The following CDH12 variants were observed in gnomAD, a reference collection of about 807,000 sequenced individuals.
CDH12 encodes the protein cadherin-12.
CDH12 carries 41 observed loss-of-function variants against 74.1 expected under a neutral mutation model. The ratio of observed to expected loss-of-function variants is 0.55; its 90% confidence interval spans 0.43 to 0.72. CDH12 has a LOEUF of 0.72. Among genes scored for constraint, CDH12 ranks in the 30% least tolerant of loss-of-function variants. CDH12 has a pLI of 0.00. For missense variants in CDH12, 945 were observed against 977.2 expected (o/e 0.97, Z 0.44); for synonymous variants, 399 against 355.0 (o/e 1.12, Z -1.39).
In CDH12 at chr5:22,611,511, T is replaced by A. The variant is rs1398831353; in HGVS notation, c.-522-106147A>T. 9.9e-5 allele frequency among the ~76,000 whole-genome samples: 15 copies of A among 152,154 alleles called. No individual in the cohort carries two copies. The East Asian group carries it at 2.9e-3, about 29-fold the overall frequency. On this transcript the variant is annotated intron_variant, in intron 1 of 14. Transcript: ENST00000382254. The stretch of plus-strand genomic sequence containing the variant: ...TTGAGAAGTTTAACAAAGGGAAAGG[T>A]TTAGGGAAACCAGCAGGAACAATGC...
rs571485750 is a variant in CDH12, at chr5:22,416,372, G to T, written c.-427-11021C>A. 5.0e-4 allele frequency among the ~76,000 whole-genome samples: 76 copies of T among 152,252 alleles called. 1 individual carries two copies. The highest frequency in any genetic ancestry group is 3.4e-3 in the Middle Eastern group (1 of 294). ...TTACAAGCGTGAGCCACCGCGCCCG[G>T]CCTGTAGGTCTTGATAAGGTGATTT... On this transcript the variant is annotated intron_variant, in intron 2 of 14. Coordinates refer to ENST00000382254, the MANE Select transcript of CDH12 (RefSeq NM_004061.5).
intron 4 of CDH12, among the ~76,000 whole-genome samples, chr5:22,171,595 C>T (rs895248069): frequency 9.2e-5 from 14 of 151,982 alleles, no homozygotes; most frequent in Middle Eastern, 6.8e-3. Context: ...TTCATCCTTA[C>T]GATAATACTG....
intron 6 of CDH12, among the ~76,000 whole-genome samples, chr5:21,885,646 A>G (rs1752590565): frequency 6.6e-6 from 1 of 152,202 alleles, no homozygotes; most frequent in Non-Finnish European, 1.5e-5. Context: ...AAATATCTTC[A>G]TAGGACTTTA....
chr5:22,540,554 T>G (rs983819149), intron 1 of CDH12, among the ~76,000 whole-genome samples: 2 of 152,186 alleles, frequency 1.3e-5, no homozygotes, highest in Non-Finnish European at 2.9e-5. Context: ...AAGAAATCCA[T>G]TTGTAAAATT....
intron 6 of CDH12, among the ~76,000 whole-genome samples, chr5:21,874,145 T>C (rs1240828603): frequency 6.6e-6 from 1 of 152,138 alleles, no homozygotes; most frequent in African/African-American, 2.4e-5. Context: ...TGGGTCAGAA[T>C]CTACAAGAAA....
chr5:22,288,697 G>T (rs1737260534), intron 3 of CDH12, among the ~76,000 whole-genome samples: 1 of 152,092 alleles, frequency 6.6e-6, no homozygotes, highest in South Asian at 2.1e-4. Flanking sequence ...ATGTACAGTG[G>T]TGGACCAAAT....
At chr5:22,132,590 T>C (rs1746232962) in intron 4 of CDH12, among the ~76,000 whole-genome samples, 1 of 150,578 alleles carries the variant, frequency 6.6e-6, no homozygotes, top group Non-Finnish European at 1.5e-5. Context: ...AAACGGGGAG[T>C]AGTTGTTTAG....
chr5:22,577,950 T>A (rs1739875328), intron 1 of CDH12, among the ~76,000 whole-genome samples: 1 of 152,204 alleles, frequency 6.6e-6, no homozygotes, highest in African/African-American at 2.4e-5. Context: ...TTAACCTCTG[T>A]AAATACTTTC....
At chr5:22,611,221 C>T (rs1233614917) in intron 1 of CDH12, among the ~76,000 whole-genome samples, 3 of 152,100 alleles carry the variant, frequency 2.0e-5, no homozygotes, top group South Asian at 2.1e-4. Flanking sequence ...TATCCCAAAA[C>T]TGAACCAATT....
rs1421941137 is a variant in CDH12, at chr5:21,921,991, CCTGCTTGACTGGT to C, written c.526+53087_526+53099del. On this transcript the variant is annotated intron_variant, in intron 6 of 14. Coordinates refer to ENST00000382254, the MANE Select transcript of CDH12 (RefSeq NM_004061.5). ...CACACATCTTTTCATACAATGAATA[CCTGCTTGACTGGT>C]TATAGTAACTTCTTTTACCATGGGG... 3.9e-5 allele frequency among the ~76,000 whole-genome samples: 6 copies of C among 152,222 alleles called. No homozygotes were observed. The East Asian group carries it at 1.2e-3, about 29-fold the overall frequency.
chr5:21,945,582 CAT>C (rs1313153700), intron 6 of CDH12, among the ~76,000 whole-genome samples: 14 of 150,830 alleles, frequency 9.3e-5, no homozygotes, highest in African/African-American at 3.2e-4. Flanking sequence ...TCAATAATGA[CAT>C]AAGTTATAAA....
At chr5:22,564,698 AC>A (rs1430454733) in intron 1 of CDH12, among the ~76,000 whole-genome samples, 1 of 151,824 alleles carries the variant, frequency 6.6e-6, no homozygotes, top group African/African-American at 2.4e-5. Flanking sequence ...TCATCTTTGG[AC>A]TTCTTTATAT....
intron 1 of CDH12, among the ~76,000 whole-genome samples, chr5:22,572,263 T>C (rs1231053082): frequency 6.6e-6 from 1 of 152,104 alleles, no homozygotes; most frequent in Non-Finnish European, 1.5e-5. Context: ...AAGCCTTAAA[T>C]TTTCCTTAAA....
chr5:22,651,674 A>G (rs967965793), intron 1 of CDH12, among the ~76,000 whole-genome samples: 2 of 151,306 alleles, frequency 1.3e-5, no homozygotes, highest in African/African-American at 4.8e-5. Context: ...TAACCATATC[A>G]GCTAAGGAGT....
intron 4 of CDH12, among the ~76,000 whole-genome samples, chr5:22,112,826 T>A (rs1744889814): frequency 6.6e-6 from 1 of 152,178 alleles, no homozygotes; most frequent in African/African-American, 2.4e-5. Context: ...TTTATGCTAG[T>A]CTTTTTCTAT....
chr5:22,160,125 C>T (rs558290995), intron 4 of CDH12, among the ~76,000 whole-genome samples: 2 of 152,268 alleles, frequency 1.3e-5, no homozygotes, highest in East Asian at 1.9e-4. Context: ...CAAAACTCCT[C>T]AAAGACTCTT....
chr5:22,475,395 G>T lies in CDH12; in HGVS notation c.-428+29875C>A, dbSNP rs1380812139. ...GGAAATGATTTAATATACCCTTTCT[G>T]GGTCTGTAATTTATATTTTAGGTGA... On this transcript the variant is annotated intron_variant, in intron 2 of 14. Coordinates refer to ENST00000382254, the MANE Select transcript of CDH12 (RefSeq NM_004061.5). Among the ~76,000 whole-genome samples, 4 of 151,838 alleles carry T rather than the reference G, an allele frequency of 2.6e-5. No individual in the cohort carries two copies. The East Asian group carries it at 5.8e-4, about 22-fold the overall frequency.
chr5:22,423,819 C>G (rs1293550819), intron 2 of CDH12, among the ~76,000 whole-genome samples: 1 of 151,360 alleles, frequency 6.6e-6, no homozygotes, highest in East Asian at 2.0e-4. Context: ...CTGGCTAACA[C>G]GGTGAAACCC....
chr5:22,213,455 T>G (rs1267121337), intron 3 of CDH12: 1 of 152,186 alleles, frequency 6.6e-6, no homozygotes. Context: ...TCTTTGATTA[T>G]CTGTTGAAAT....
Sources: gnomAD v4.1 joint callset for allele counts (sites outside exome capture counted in the v4.1 genomes callset) on GRCh38, gnomAD v4.1.1 for gene constraint, MANE v1.5 for transcripts, NCBI Gene and HGNC (gene_info 2026-07-23, HGNC 2026-07-21) for gene names.